GHR: variants seen among roughly 807,000 people sequenced by gnomAD.
GHR encodes the protein GH receptor.
A neutral mutation model predicts 67.1 loss-of-function variants in GHR; 35 were observed. The observed-to-expected ratio is 0.52, with a 90% CI of 0.40 to 0.69. GHR has a LOEUF of 0.69. Among genes scored for constraint, GHR ranks in the 30% least tolerant of loss-of-function variants. The pLI is 0.00. For synonymous variants in GHR, 272 were observed against 269.1 expected (o/e 1.01, Z -0.10); for missense variants, 792 against 764.6 (o/e 1.04, Z -0.42).
intron 1 of GHR, among the ~76,000 whole-genome samples, chr5:42,491,362 T>C (rs1746106207): frequency 1.3e-5 from 2 of 152,240 alleles, no homozygotes; most frequent in Admixed American, 1.3e-4. Flanking sequence ...ACAGGCCTCA[T>C]GTAAAGAGCT....
At chr5:42,516,023 G>A (rs922147087) in intron 1 of GHR, among the ~76,000 whole-genome samples, 1 of 152,160 alleles carries the variant, frequency 6.6e-6, no homozygotes, top group African/African-American at 2.4e-5. Flanking sequence ...TTTAGAGGGG[G>A]CACAGAGAAT....
chr5:42,653,010 C>G (rs1432482686), intron 3 of GHR, among the ~76,000 whole-genome samples: 8 of 152,076 alleles, frequency 5.3e-5, no homozygotes, highest in Admixed American at 5.2e-4. Flanking sequence ...GTTTTCTCAT[C>G]TTTACAAAAG....
In GHR at chr5:42,424,626, T is replaced by A. The variant is rs1488131885; in HGVS notation, c.-12+671T>A. On this transcript the variant is annotated intron_variant, in intron 1 of 9. Transcript: ENST00000230882. The surrounding 1 kb of genome is among the most constrained non-coding windows in gnomAD (Gnocchi z 4.1). ...AAGTGGAAATTGTGGCGAGCCGACCTCCCCCAGCTTTTGACACACTAGTGG... is the reference window on the plus strand; with the variant it reads ...AAGTGGAAATTGTGGCGAGCCGACCACCCCCAGCTTTTGACACACTAGTGG... 2.0e-6 allele frequency: 3 copies of A among 1,528,308 alleles called. No individual in the cohort carries two copies. The highest frequency in any genetic ancestry group is 1.8e-6 in the Non-Finnish European group (2 of 1,140,444). 94.7% of individuals were successfully genotyped at this position (1,528,308 alleles called of 1,614,324 possible). A position where few individuals can be genotyped will look rare whatever the true frequency, so the allele number is the denominator to read the frequency against.
At chr5:42,512,472 G>T (rs1579846289) in intron 1 of GHR, among the ~76,000 whole-genome samples, 1 of 152,112 alleles carries the variant, frequency 6.6e-6, no homozygotes, top group East Asian at 1.9e-4. Flanking sequence ...GATACAACCA[G>T]ATTCGTCTTC....
intron 2 of GHR, among the ~76,000 whole-genome samples, chr5:42,626,642 T>A (rs754079824): frequency 6.6e-6 from 1 of 152,140 alleles, no homozygotes; most frequent in Non-Finnish European, 1.5e-5. Context: ...CCTGTGACCA[T>A]GCCCCATCCT....
intron 8 of GHR, among the ~76,000 whole-genome samples, chr5:42,714,422 T>C (rs1051398496): frequency 6.6e-6 from 1 of 152,204 alleles, no homozygotes; most frequent in Non-Finnish European, 1.5e-5. Context: ...GAGGCATCTA[T>C]AAATCAAAAT....
intron 1 of GHR, among the ~76,000 whole-genome samples, chr5:42,533,604 C>T (rs954349272): frequency 1.8e-4 from 27 of 151,502 alleles, no homozygotes; most frequent in East Asian, 1.9e-4. Flanking sequence ...TTGTTTCACC[C>T]GGAATTTTTT....
At chr5:42,465,723 C>T in intron 1 of GHR, 1 of 917,760 alleles carries the variant, frequency 1.1e-6, no homozygotes. Flanking sequence ...CTATCACTTC[C>T]ACTATACCTA....
chr5:42,553,537 C>T (rs1749149286), intron 1 of GHR, among the ~76,000 whole-genome samples: 1 of 152,276 alleles, frequency 6.6e-6, no homozygotes, highest in South Asian at 2.1e-4. Flanking sequence ...CTCTGACTTC[C>T]CCTTCTGCCA....
chr5:42,657,337 T>C (rs1755307604), intron 3 of GHR, among the ~76,000 whole-genome samples: 1 of 152,184 alleles, frequency 6.6e-6, no homozygotes, highest in African/African-American at 2.4e-5. Context: ...TAAGAGTCTG[T>C]GTCTACATAT....
chr5:42,631,653 A>C (rs564066552), intron 3 of GHR, among the ~76,000 whole-genome samples: 2 of 152,214 alleles, frequency 1.3e-5, no homozygotes, highest in Non-Finnish European at 2.9e-5. Context: ...ATAATTTCAC[A>C]TGAAAAGTTA....
rs35408817 is a variant in GHR at position 42,650,578 on chromosome 5, C to CATATATATATATATATATAT, written c.136+21480_136+21499dup. On this transcript the variant is annotated intron_variant, in intron 3 of 9. Coordinates refer to ENST00000230882, the MANE Select transcript of GHR (RefSeq NM_000163.5). ...CCAATGTACTCACTTTTACAGATAA[C>CATATATATATATATATATAT]ATATATATATATATATATATATATG... Among the ~76,000 whole-genome samples the CATATATATATATATATATAT allele has an allele frequency of 5.4e-3, 688 of 127,982 alleles. 5 individuals carry two copies. The highest frequency in any genetic ancestry group is 6.9e-3 in the Non-Finnish European group (424 of 61,046). 84.0% of individuals were successfully genotyped at this position (127,982 alleles called of 152,430 possible).
chr5:42,711,501 C>T (rs1201600136), intron 7 of GHR, 129 bp downstream of exon 7: 4 of 727,680 alleles, frequency 5.5e-6, no homozygotes, highest in African/African-American at 5.2e-5. Flanking sequence ...GGATGAGAGA[C>T]CTTGAGCTCA....
At chr5:42,650,083 CAGGGAAGGGTCG>C (rs1754939392) in intron 3 of GHR, among the ~76,000 whole-genome samples, 4 of 151,906 alleles carry the variant, frequency 2.6e-5, no homozygotes, top group Admixed American at 6.6e-5. Context: ...TTAAGTGACC[CAGGGAAGGGTCG>C]TGGGTGACGG....
intron 2 of GHR, among the ~76,000 whole-genome samples, chr5:42,609,056 A>G (rs896365578): frequency 6.6e-6 from 1 of 152,208 alleles, no homozygotes; most frequent in Non-Finnish European, 1.5e-5. Flanking sequence ...TGTAACCAGG[A>G]AGAATGCAAT....
chr5:42,575,761 C>T (rs1457945964), intron 2 of GHR, among the ~76,000 whole-genome samples: 34 of 150,082 alleles, frequency 2.3e-4, no homozygotes, highest in Non-Finnish European at 4.7e-4. Flanking sequence ...AGGGGCTGGG[C>T]GCGATGGCTC....
intron 3 of GHR, among the ~76,000 whole-genome samples, chr5:42,688,624 G>T (rs534172481): frequency 1.3e-5 from 2 of 152,074 alleles, no homozygotes; most frequent in African/African-American, 2.4e-5. Flanking sequence ...TCTAGCTCTG[G>T]TTTCTTAAAC....
At chr5:42,520,635 G>T (rs1024597621) in intron 1 of GHR, among the ~76,000 whole-genome samples, 2 of 152,112 alleles carry the variant, frequency 1.3e-5, no homozygotes, top group African/African-American at 4.8e-5. Context: ...TTACAAGAAT[G>T]GGTACTTTTT....
chr5:42,614,417 G>A (rs1753038613), intron 2 of GHR, among the ~76,000 whole-genome samples: 1 of 151,840 alleles, frequency 6.6e-6, no homozygotes, highest in African/African-American at 2.4e-5. Flanking sequence ...TGAATCACCT[G>A]GGGACCTTGC....
Sources: gnomAD v4.1 joint callset for allele counts (sites outside exome capture counted in the v4.1 genomes callset) on GRCh38, gnomAD v4.1.1 for gene constraint, Gnocchi (gnomAD v3.1) non-coding constraint, MANE v1.5 for transcripts, NCBI Gene and HGNC (gene_info 2026-07-23, HGNC 2026-07-21) for gene names.